The following WWOX variants were observed in gnomAD, a reference collection of about 807,000 sequenced individuals.
The protein encoded by WWOX is WW domain-containing oxidoreductase.
In WWOX, 69 loss-of-function variants were observed where a neutral mutation model predicts 46.2. The ratio of observed to expected loss-of-function variants is 1.49; its 90% CI spans 1.23 to 1.82. The LOEUF (loss-of-function observed/expected upper bound fraction) is 1.82. WWOX is among the 40% of genes most tolerant of loss of function. WWOX has a pLI of 0.00. For missense variants in WWOX, 919 were observed against 542.6 expected (o/e 1.69, Z -6.89); for synonymous variants, 359 against 202.6 (o/e 1.77, Z -6.56).
At chr16:78,925,327 A>G (rs187561493) in intron 8 of WWOX, among the ~76,000 whole-genome samples, 9 of 152,346 alleles carry the variant, frequency 5.9e-5, no homozygotes, top group Non-Finnish European at 1.5e-5. Context: ...TGCCCGGATG[A>G]TAAACACAGA....
At chr16:78,720,792 C>T (rs1417695780) in intron 8 of WWOX, among the ~76,000 whole-genome samples, 2 of 152,034 alleles carry the variant, frequency 1.3e-5, no homozygotes, top group African/African-American at 4.8e-5. Context: ...ACAAGCAGTG[C>T]CCAAGTGCCT....
chr16:78,633,488 C>T (rs1315179176), intron 8 of WWOX, among the ~76,000 whole-genome samples: 1 of 152,162 alleles, frequency 6.6e-6, no homozygotes, highest in Non-Finnish European at 1.5e-5. Flanking sequence ...GAGTTCAGAA[C>T]TTTGGTTAGG....
intron 5 of WWOX, among the ~76,000 whole-genome samples, chr16:78,194,527 G>A (rs770980956): frequency 1.4e-5 from 2 of 148,082 alleles, no homozygotes; most frequent in South Asian, 2.1e-4. Flanking sequence ...GGCAGAGGTT[G>A]CAGTGAGCTG....
rs73584234 is a variant in WWOX, at chr16:78,943,392, T to G, written c.1057-268216T>G. 2.6e-3 allele frequency among the ~76,000 whole-genome samples: 398 copies of G among 152,080 alleles called. 1 individual carries two copies. The highest frequency in any genetic ancestry group is 9.2e-3 in the African/African-American group (381 of 41,466). On this transcript the variant is annotated intron_variant, in intron 8 of 8. Transcript: ENST00000566780. ...TAACTGTTCATCTCCTCCGACTGCA[T>G]CGCCACTCCCCCAGGCCAGATAACC... is the stretch of plus-strand genomic sequence containing the variant.
chr16:78,962,318 TTTTTTTTTAA>T (rs1291888210), intron 8 of WWOX, among the ~76,000 whole-genome samples: 10 of 94,316 alleles, frequency 1.1e-4, no homozygotes, highest in African/African-American at 4.4e-4. Context: ...TTTTTTTTTT[TTTTTTTTTAA>T]AAAAAAAAAA....
intron 5 of WWOX, among the ~76,000 whole-genome samples, chr16:78,279,001 G>T (rs995292898): frequency 3.3e-5 from 5 of 152,144 alleles, no homozygotes; most frequent in African/African-American, 9.7e-5. Context: ...AGGGATGCTA[G>T]CTCGTTACTT....
chr16:78,396,301 T>C (rs2082285038), intron 6 of WWOX, among the ~76,000 whole-genome samples: 1 of 151,696 alleles, frequency 6.6e-6, no homozygotes, highest in Non-Finnish European at 1.5e-5. Flanking sequence ...ATGACATTTG[T>C]CGGAAAAAAA....
intron 8 of WWOX, among the ~76,000 whole-genome samples, chr16:78,443,870 T>C (rs900704755): frequency 1.3e-5 from 2 of 152,192 alleles, no homozygotes; most frequent in African/African-American, 2.4e-5. Context: ...TTCATACTTA[T>C]TTCCAGTGAT....
chr16:79,144,596 T>G (rs961432570), intron 8 of WWOX, among the ~76,000 whole-genome samples: 5 of 152,104 alleles, frequency 3.3e-5, no homozygotes, highest in Admixed American at 6.6e-5. Context: ...AAAAAAAATA[T>G]CGAGTGGAAA....
chr16:79,115,478 C>G (rs959468756), intron 8 of WWOX, among the ~76,000 whole-genome samples: 1 of 152,078 alleles, frequency 6.6e-6, no homozygotes, highest in African/African-American at 2.4e-5. Flanking sequence ...AAGCCAGCCA[C>G]ACATTTGTCT....
At chr16:78,486,066 G>T (rs1040668551) in intron 8 of WWOX, among the ~76,000 whole-genome samples, 2 of 152,180 alleles carry the variant, frequency 1.3e-5, no homozygotes, top group African/African-American at 4.8e-5. Flanking sequence ...TGTGAATGCT[G>T]TTACCATATT....
intron 8 of WWOX, among the ~76,000 whole-genome samples, chr16:79,008,972 G>C (rs991357543): frequency 7.9e-5 from 12 of 152,230 alleles, no homozygotes; most frequent in African/African-American, 2.9e-4. Context: ...AGTCAGCTCT[G>C]TGACGCCAGT....
chr16:79,066,430 G>C (rs1035190713), intron 8 of WWOX, among the ~76,000 whole-genome samples: 1 of 152,112 alleles, frequency 6.6e-6, no homozygotes, highest in African/African-American at 2.4e-5. Flanking sequence ...TATCAAGTGC[G>C]CAATTAGGCT....
In WWOX at chr16:78,619,554, A is replaced by G. The variant is rs866271183; in HGVS notation, c.1056+186802A>G. 1.5e-4 allele frequency among the ~76,000 whole-genome samples: 22 copies of G among 151,636 alleles called. 1 individual carries two copies. Among genetic ancestry groups the G allele is most frequent in the Middle Eastern group, 3.2e-3 (1 of 316 alleles). On this transcript the variant is annotated intron_variant, in intron 8 of 8. Transcript: ENST00000566780. ...TGCTGTGATGCCACTTCTAATCTCAATTTTATTATACAATTTGTTAAATAC... is the reference window on the plus strand; with the variant it reads ...TGCTGTGATGCCACTTCTAATCTCAGTTTTATTATACAATTTGTTAAATAC...
intron 8 of WWOX, among the ~76,000 whole-genome samples, chr16:79,114,226 C>T (rs556418181): frequency 6.6e-6 from 1 of 152,030 alleles, no homozygotes; most frequent in Non-Finnish European, 1.5e-5. Flanking sequence ...CATCCTGTTA[C>T]CTGTGAATGT....
In WWOX at chr16:78,815,367, C is replaced by T. The variant is rs181704728; in HGVS notation, c.1056+382615C>T. Among the ~76,000 whole-genome samples, 44 of 152,050 alleles carry T rather than the reference C, an allele frequency of 2.9e-4. No individual in the cohort carries two copies. The South Asian group carries it at 8.7e-3, about 30-fold the overall frequency. On this transcript the variant is annotated intron_variant, in intron 8 of 8. Coordinates refer to ENST00000566780, the MANE Select transcript of WWOX (RefSeq NM_016373.4). ...AGAAGGTTTCATACATTTTAGCTGA[C>T]AAGGGCAGGAGCTGTTCCTGCTGTT...
At chr16:78,560,549 C>T (rs867492389) in intron 8 of WWOX, among the ~76,000 whole-genome samples, 48 of 152,242 alleles carry the variant, frequency 3.2e-4, no homozygotes, top group African/African-American at 1.1e-3. Context: ...GAGGCTGAGG[C>T]AGGAGAATCC....
intron 8 of WWOX, among the ~76,000 whole-genome samples, chr16:78,799,415 C>A (rs779022207): frequency 4.7e-4 from 72 of 152,160 alleles, no homozygotes; most frequent in Non-Finnish European, 8.7e-4. Context: ...TAAGAACTTA[C>A]CAGCATTTAA....
At chr16:78,929,395 T>C (rs2045570747) in intron 8 of WWOX, among the ~76,000 whole-genome samples, 2 of 152,090 alleles carry the variant, frequency 1.3e-5, no homozygotes, top group African/African-American at 4.8e-5. Context: ...ATAACAGTGA[T>C]TTATAAAGAC....
Sources: gnomAD v4.1 joint callset for allele counts (sites outside exome capture counted in the v4.1 genomes callset) on GRCh38, gnomAD v4.1.1 for gene constraint, MANE v1.5 for transcripts, NCBI Gene and HGNC (gene_info 2026-07-23, HGNC 2026-07-21) for gene names.